PCDH15: variants seen among roughly 807,000 people sequenced by gnomAD.
PCDH15 encodes protocadherin related 15.
PCDH15 carries 129 observed loss-of-function variants against 178.5 expected under a neutral mutation model. That is an observed-to-expected ratio of 0.72 (90% confidence interval 0.63 to 0.84). The LOEUF is 0.84. Among genes scored for constraint, PCDH15 ranks in the 40% least tolerant of loss-of-function variants. The probability of loss-of-function intolerance (pLI) is 0.00; values close to 1 mark genes in which losing one functional copy is unlikely to be tolerated. For missense variants in PCDH15, 2,230 were observed against 2,099.9 expected, an observed-to-expected ratio of 1.06 and a Z score of -1.21; for synonymous variants, 800 against 732.0, an observed-to-expected ratio of 1.09 and a Z score of -1.50.
intron 27 of PCDH15, among the ~76,000 whole-genome samples, chr10:53,862,537 G>A (rs1327382306): frequency 1.3e-5 from 2 of 151,928 alleles, no homozygotes; most frequent in Admixed American, 6.6e-5. Flanking sequence ...CTAAATATTC[G>A]GAAGCTAGTC....
chr10:55,439,465 A>T (rs1839128047), intron 2 of PCDH15, among the ~76,000 whole-genome samples: 1 of 152,176 alleles, frequency 6.6e-6, no homozygotes, highest in African/African-American at 2.4e-5. Flanking sequence ...TCATTCCAGA[A>T]AATATGAGTA....
intron 2 of PCDH15, among the ~76,000 whole-genome samples, chr10:55,084,856 A>T (rs1367329876): frequency 6.6e-6 from 1 of 152,090 alleles, no homozygotes; most frequent in Non-Finnish European, 1.5e-5. Context: ...AAAGCACTGC[A>T]AATGAAAATT....
intron 1 of PCDH15, among the ~76,000 whole-genome samples, chr10:54,782,540 A>G (rs1026369100): frequency 5.9e-5 from 9 of 152,156 alleles, no homozygotes; most frequent in Non-Finnish European, 1.3e-4. Context: ...AGAATCCATT[A>G]ACTTTAGTGG....
At chr10:55,052,495 T>C (rs1454482054) in intron 2 of PCDH15, among the ~76,000 whole-genome samples, 1 of 116,806 alleles carries the variant, frequency 8.6e-6, no homozygotes, top group East Asian at 2.5e-4. Context: ...ACCTCAGGAG[T>C]TCAAGACCAG....
intron 2 of PCDH15, among the ~76,000 whole-genome samples, chr10:55,142,037 T>C (rs766477024): frequency 3.3e-5 from 5 of 152,104 alleles, no homozygotes; most frequent in Non-Finnish European, 7.4e-5. Context: ...CTGCACAATA[T>C]ATGGCAGAAT....
intron 2 of PCDH15, among the ~76,000 whole-genome samples, chr10:54,987,720 T>C (rs1839406880): frequency 6.6e-6 from 1 of 151,400 alleles, no homozygotes; most frequent in East Asian, 1.9e-4. Context: ...TTTTTTTTTC[T>C]TGTACATTTT....
At chr10:55,221,665 G>T (rs1348042024) in intron 1 of PCDH15, among the ~76,000 whole-genome samples, 1 of 152,020 alleles carries the variant, frequency 6.6e-6, no homozygotes, top group Non-Finnish European at 1.5e-5. Context: ...TTACCAGTGT[G>T]ATGTTTAACT....
chr10:54,059,145 CAT>C (rs2093962621), intron 18 of PCDH15, among the ~76,000 whole-genome samples: 1 of 152,174 alleles, frequency 6.6e-6, no homozygotes, highest in Non-Finnish European at 1.5e-5. Flanking sequence ...TGAGTGAGGA[CAT>C]GTGATATTTG....
intron 29 of PCDH15, among the ~76,000 whole-genome samples, chr10:53,838,921 T>G (rs527350959): frequency 0.49 from 2,438 of 4,964 alleles, 28 homozygotes; most frequent in South Asian, 0.52. Flanking sequence ...AATGAATTGA[T>G]GAGCCAGGCA....
intron 1 of PCDH15, among the ~76,000 whole-genome samples, chr10:55,310,246 A>G (rs1588901019): frequency 6.6e-6 from 1 of 152,296 alleles, no homozygotes; most frequent in South Asian, 2.1e-4. Context: ...CAAAAGCAGG[A>G]AATATTTCTA....
At chr10:54,556,065 T>C (rs2087221829) in intron 2 of PCDH15, among the ~76,000 whole-genome samples, 1 of 152,202 alleles carries the variant, frequency 6.6e-6, no homozygotes, top group Non-Finnish European at 1.5e-5. Context: ...GATCAAGAGA[T>C]CCCAGTGGGC....
At chr10:54,083,169 T>A (rs909351772) in intron 16 of PCDH15, among the ~76,000 whole-genome samples, 1 of 152,178 alleles carries the variant, frequency 6.6e-6, no homozygotes, top group Non-Finnish European at 1.5e-5. Flanking sequence ...AGAATCCTCA[T>A]ATATTTCTGG....
intron 2 of PCDH15, among the ~76,000 whole-genome samples, chr10:55,155,166 TA>T (rs1379362906): frequency 6.6e-6 from 1 of 152,092 alleles, no homozygotes; most frequent in African/African-American, 2.4e-5. Context: ...TGATGAATGA[TA>T]AAATGATAAG....
intron 2 of PCDH15, among the ~76,000 whole-genome samples, chr10:54,585,225 A>C (rs4503435): frequency 0.92 from 140,266 of 152,084 alleles, 65,110 homozygotes; most frequent in Middle Eastern, 0.98. Flanking sequence ...TATAAGCTGA[A>C]CAACCTTAAT....
chr10:54,205,481 T>TTGTG (rs71461223), intron 10 of PCDH15, among the ~76,000 whole-genome samples: 4,718 of 135,132 alleles, frequency 0.035, 108 homozygotes, highest in South Asian at 0.081. Context: ...TATATTTCCT[T>TTGTG]TGTGTGTGTG....
At chr10:54,081,003 T>C (rs1328985183) in intron 16 of PCDH15, among the ~76,000 whole-genome samples, 2 of 152,194 alleles carry the variant, frequency 1.3e-5, no homozygotes, top group African/African-American at 4.8e-5. Flanking sequence ...TTTCATTTTG[T>C]TTCTTCCCTC....
intron 11 of PCDH15, among the ~76,000 whole-genome samples, chr10:54,193,412 C>T (rs1366614230): frequency 1.3e-5 from 2 of 152,138 alleles, no homozygotes; most frequent in Non-Finnish European, 2.9e-5. Flanking sequence ...ACCACCAGTT[C>T]TATTAAGGTA....
chr10:54,287,749 TTTCA>T (rs1408663936), intron 8 of PCDH15, among the ~76,000 whole-genome samples: 2 of 152,158 alleles, frequency 1.3e-5, no homozygotes, highest in Non-Finnish European at 2.9e-5. Flanking sequence ...CTGTCATTAG[TTTCA>T]TTAACAGATA....
At chr10:54,274,317 C>A (rs1564839764) in intron 8 of PCDH15, among the ~76,000 whole-genome samples, 3 of 152,116 alleles carry the variant, frequency 2.0e-5, no homozygotes, top group Non-Finnish European at 4.4e-5. Context: ...CTGTCAGAAC[C>A]ACCCACTTTG....
Sources: gnomAD v4.1 joint callset for allele counts (sites outside exome capture counted in the v4.1 genomes callset) on GRCh38, gnomAD v4.1.1 for gene constraint, MANE v1.5 for transcripts, NCBI Gene and HGNC (gene_info 2026-07-23, HGNC 2026-07-21) for gene names.